C7orf33: variants seen among roughly 807,000 people sequenced by gnomAD.
C7orf33 encodes the protein chromosome 7 open reading frame 33, also known as uncharacterized protein C7orf33.
C7orf33 carries 15 observed loss-of-function variants against 13.4 expected under a neutral mutation model. The ratio of observed to expected loss-of-function variants is 1.12; its 90% confidence interval spans 0.75 to 1.72. The LOEUF (loss-of-function observed/expected upper bound fraction) is 1.72. Ranked by LOEUF, C7orf33 falls within the 40% of genes most tolerant of loss-of-function variation. The pLI, the probability that C7orf33 is intolerant of heterozygous loss-of-function variation, is 0.00. For synonymous variants in C7orf33, 73 were observed against 83.2 expected, an observed-to-expected ratio of 0.88 and a Z score of 0.67; for missense variants, 187 against 220.3, an observed-to-expected ratio of 0.85 and a Z score of 0.96.
chr7:148,602,901 T>C (rs965934029), intron 1 of C7orf33, among the ~76,000 whole-genome samples: 3 of 152,216 alleles, frequency 2.0e-5, no homozygotes, highest in African/African-American at 4.8e-5. Context: ...AATATATTTT[T>C]AAAAGAGTCA....
intron 2 of C7orf33, 149 bp downstream of exon 2, chr7:148,614,445 C>T: frequency 1.0e-6 from 1 of 971,616 alleles, no homozygotes; most frequent in East Asian, 2.5e-5. Context: ...TGAAACTGAT[C>T]TGATCCCATG....
intron 1 of C7orf33, 137 bp from the exon 2 acceptor site, chr7:148,613,905 C>T: frequency 1.1e-6 from 1 of 942,436 alleles, no homozygotes. Context: ...ATATCTTTGT[C>T]TATAATCTTT....
chr7:148,608,058 G>A lies in C7orf33; in HGVS notation c.205-5984G>A, dbSNP rs139005034. Among the ~76,000 whole-genome samples, 639 of 152,214 alleles carry A rather than the reference G, an allele frequency of 4.2e-3. 6 individuals carry two copies. The highest frequency in any genetic ancestry group is 0.013 in the African/African-American group (560 of 41,514). ...TCCATTCCTGCTTAAAAAAATAGAT[G>A]AAGGAAAATGAGATCTTTCTACCCA... On this transcript the variant is annotated intron_variant, in intron 1 of 2. Coordinates refer to ENST00000307003, the MANE Select transcript of C7orf33 (RefSeq NM_145304.4).
intron 1 of C7orf33, among the ~76,000 whole-genome samples, chr7:148,595,930 C>A (rs992545211): frequency 6.6e-6 from 1 of 151,338 alleles, no homozygotes; most frequent in African/African-American, 2.4e-5. Context: ...CAATGTTTAA[C>A]CATGATCACA....
In C7orf33 at chr7:148,592,904, G is replaced by A. The variant is rs899342370; in HGVS notation, c.204+1775G>A. ...CACCCAGGCTGAAGTGCAATGGCAC[G>A]ATCTCAGCTCACTACAACGTCCACC... On this transcript the variant is annotated intron_variant, in intron 1 of 2. Coordinates refer to ENST00000307003, the MANE Select transcript of C7orf33 (RefSeq NM_145304.4). 2.0e-5 allele frequency among the ~76,000 whole-genome samples: 3 copies of A among 151,360 alleles called. No individual in the cohort carries two copies. The East Asian group carries it at 5.9e-4, about 30-fold the overall frequency.
At chr7:148,609,764 G>A (rs1320069664) in intron 1 of C7orf33, among the ~76,000 whole-genome samples, 1 of 152,204 alleles carries the variant, frequency 6.6e-6, no homozygotes, top group African/African-American at 2.4e-5. Flanking sequence ...CCCAGGATAA[G>A]CTTTCCCTCT....
At position 148,590,861 on chromosome 7, in the gene C7orf33, A is replaced by G. The variant is rs1796257958; in HGVS notation, c.-65A>G. ...CTGGGGATCCGTGCGACTTGATCTT[A>G]GATATTGGTGGTGAAGCGCCGCTCT... On this transcript the variant is annotated 5_prime_UTR_variant, in exon 1 of 3. Transcript: ENST00000307003. 1 of 1,442,678 alleles carries G rather than the reference A, an allele frequency of 6.9e-7. No homozygotes were observed. Among genetic ancestry groups the G allele is most frequent in the Non-Finnish European group, 9.7e-7 (1 of 1,026,890 alleles). 89.4% of individuals were successfully genotyped at this position (1,442,678 alleles called of 1,614,324 possible).
At chr7:148,606,440 A>G (rs1318871028) in intron 1 of C7orf33, among the ~76,000 whole-genome samples, 1 of 152,212 alleles carries the variant, frequency 6.6e-6, no homozygotes, top group African/African-American at 2.4e-5. Context: ...TTTAACAAGC[A>G]TCCCAGGTGA....
chr7:148,595,644 A>C (rs1258506091), intron 1 of C7orf33, among the ~76,000 whole-genome samples: 2 of 79,518 alleles, frequency 2.5e-5, no homozygotes, highest in Admixed American at 1.3e-4. Context: ...TATATTATAT[A>C]GATATAATAT....
chr7:148,605,814 A>G (rs1736322696), intron 1 of C7orf33, among the ~76,000 whole-genome samples: 1 of 152,164 alleles, frequency 6.6e-6, no homozygotes, highest in African/African-American at 2.4e-5. Flanking sequence ...ATCCTGTTAC[A>G]ACTTTATAAT....
intron 1 of C7orf33, among the ~76,000 whole-genome samples, chr7:148,601,692 A>G (rs1796416598): frequency 6.6e-6 from 1 of 152,006 alleles, no homozygotes; most frequent in African/African-American, 2.4e-5. Flanking sequence ...TTTTAATTTT[A>G]TTGCAATATG....
chr7:148,615,177 G>A (rs1408910486), intron 2 of C7orf33, 150 bp from the exon 3 acceptor site: 4 of 529,852 alleles, frequency 7.5e-6, no homozygotes, highest in Non-Finnish European at 1.4e-5. Flanking sequence ...GGGCTCAAGC[G>A]ATCCACCCAC....
Position 148,613,990 on chromosome 7 carries a change from C to T in C7orf33, c.205-52C>T, listed in dbSNP as rs372877096. 1.8e-5 allele frequency: 28 copies of T among 1,575,460 alleles called. No individual in the cohort carries two copies. In the African/African-American group the frequency reaches 3.3e-4, roughly 18 times the overall value. ...GAGAACAAATTAGTAGCTTACTGAT[C>T]ACCATCTTTCCACCCTTTAACCCAA... On this transcript the variant is annotated intron_variant, in intron 1 of 2. Coordinates refer to ENST00000307003, the MANE Select transcript of C7orf33 (RefSeq NM_145304.4).
intron 1 of C7orf33, among the ~76,000 whole-genome samples, chr7:148,598,056 C>T (rs149342259): frequency 6.6e-6 from 1 of 152,236 alleles, no homozygotes; most frequent in East Asian, 1.9e-4. Context: ...CGCCCAGCCT[C>T]CCTTGCGTTT....
At chr7:148,601,875 G>C (rs1297113446) in intron 1 of C7orf33, among the ~76,000 whole-genome samples, 1 of 152,072 alleles carries the variant, frequency 6.6e-6, no homozygotes, top group East Asian at 1.9e-4. Flanking sequence ...AGCCTCCTGA[G>C]TAGCTACGAC....
Position 148,595,758 on chromosome 7 carries a change from T to C in C7orf33, c.204+4629T>C, listed in dbSNP as rs1796332720. Among the ~76,000 whole-genome samples the C allele has an allele frequency of 2.8e-5, 4 of 143,920 alleles. No homozygotes were observed. The Admixed American group carries it at 2.9e-4, about 10-fold the overall frequency. The allele number at this position is 143,920 out of a possible 152,430, so 94.4% of individuals were successfully genotyped here. On this transcript the variant is annotated intron_variant, in intron 1 of 2. Coordinates refer to ENST00000307003, the MANE Select transcript of C7orf33 (RefSeq NM_145304.4). ...CTATGTTATATAGATATAATATATA[T>C]ATATATCTATATCTCAAGCAGGCCA...
rs1355401044 is a variant in C7orf33 at position 148,614,039 on chromosome 7, C to G, written c.205-3C>G. 1 of 1,610,450 alleles carries G rather than the reference C, an allele frequency of 6.2e-7. No individual in the cohort carries two copies. The highest frequency in any genetic ancestry group is 8.5e-7 in the Non-Finnish European group (1 of 1,177,570). On this transcript the variant is annotated splice_polypyrimidine_tract_variant and splice_region_variant and intron_variant, in intron 1 of 2. Coordinates refer to ENST00000307003, the MANE Select transcript of C7orf33 (RefSeq NM_145304.4). ...AATTTGTTTGTTTGTTTGTTTTTTCCAGAAGCCAAACCCACACCAAAACAT... is the reference window on the plus strand; with the variant it reads ...AATTTGTTTGTTTGTTTGTTTTTTCGAGAAGCCAAACCCACACCAAAACAT...
intron 2 of C7orf33, among the ~76,000 whole-genome samples, chr7:148,615,099 TG>T (rs758739076): frequency 3.9e-5 from 6 of 152,160 alleles, no homozygotes; most frequent in Non-Finnish European, 8.8e-5. Context: ...GTTATAAGAC[TG>T]GCTAATTTTT....
Position 148,607,357 on chromosome 7 carries a change from A to G in C7orf33, c.205-6685A>G, listed in dbSNP as rs912302604. On this transcript the variant is annotated intron_variant, in intron 1 of 2. Coordinates refer to ENST00000307003, the MANE Select transcript of C7orf33 (RefSeq NM_145304.4). ...TTTATCTTGTAAATCTCTGTCCTGC[A>G]TTTAAGCAAATGGAGGGCAGAGAGC... is the stretch of plus-strand genomic sequence containing the variant. 5.9e-5 allele frequency among the ~76,000 whole-genome samples: 9 copies of G among 152,320 alleles called. 2 individuals carry two copies. Among genetic ancestry groups the G allele is most frequent in the African/African-American group, 9.6e-5 (4 of 41,574 alleles).
Sources: allele counts gnomAD v4.1 joint callset (sites outside exome capture counted in the v4.1 genomes callset), GRCh38; gene constraint gnomAD v4.1.1; transcripts MANE v1.5; gene names NCBI Gene and HGNC (gene_info 2026-07-23, HGNC 2026-07-21).